The following PDE2A variants were observed in gnomAD, a reference collection of about 807,000 sequenced individuals.
PDE2A encodes the protein cGMP-dependent 3',5'-cyclic phosphodiesterase.
Under a neutral mutation model 133.6 loss-of-function variants are expected in PDE2A, and 53 were observed. The ratio of observed to expected loss-of-function variants is 0.40; its 90% CI spans 0.32 to 0.50. The LOEUF is 0.50. Among genes scored for constraint, PDE2A ranks in the 20% least tolerant of loss-of-function variants. The pLI is 0.73. For missense variants in PDE2A, 796 were observed against 1,232.4 expected (o/e 0.65, Z 5.30); for synonymous variants, 491 against 490.2 (o/e 1.00, Z -0.02).
chr11:72,622,148 G>A (rs1857802666), intron 2 of PDE2A, among the ~76,000 whole-genome samples: 2 of 150,850 alleles, frequency 1.3e-5, no homozygotes, highest in African/African-American at 4.9e-5. Context: ...ACAATGAAAT[G>A]TCACCCCACA....
Position 72,588,977 on chromosome 11 carries a change from C to T in PDE2A, c.940-63G>A. ...CGCAGTATGCTTCCCTCCTCCAGCC[C>T]TCCATCACATTTTGCAACAGGCAGT... On this transcript the variant is annotated intron_variant, in intron 12 of 30. Coordinates refer to ENST00000334456, the MANE Select transcript of PDE2A (RefSeq NM_002599.5). The T allele has an allele frequency of 2.6e-6, 4 of 1,543,936 alleles. No individual in the cohort carries two copies. The South Asian group carries it at 4.8e-5, about 18-fold the overall frequency.
At position 72,596,596 on chromosome 11, in the gene PDE2A, G is replaced by T. The variant is rs377402634; in HGVS notation, c.486C>A (p.Ile162=). 2.5e-5 allele frequency: 38 copies of T among 1,492,060 alleles called. No individual in the cohort carries two copies. Among genetic ancestry groups the T allele is most frequent in the Non-Finnish European group, 2.4e-5 (27 of 1,111,974 alleles). The allele number at this position is 1,492,060 out of a possible 1,614,324, so 92.4% of individuals were successfully genotyped here. Residue 162 remains isoleucine (I), a synonymous_variant, in exon 6 of 31, where the codon ATC becomes ATA. Transcript: ENST00000334456. ...DKEAGAVAAV[I]LVHCGQLSDN... is the part of the protein sequence containing the mutation. Reference sequence around the variant, plus strand: ...CACCGCCTAGGCAGGCTCTTACCAAGATGACAGCTGCCACGGCCCCAGCCT... The same window carrying T: ...CACCGCCTAGGCAGGCTCTTACCAATATGACAGCTGCCACGGCCCCAGCCT...
intron 11 of PDE2A, 36 bp from the exon 12 acceptor site, chr11:72,589,276 A>T (rs1278158377): frequency 7.3e-6 from 11 of 1,509,886 alleles, no homozygotes; most frequent in Non-Finnish European, 9.2e-6. Context: ...AGGGCCCAGT[A>T]CTCCCCAGGT....
At chr11:72,612,274 TCCACAC>T (rs869139904) in intron 2 of PDE2A, among the ~76,000 whole-genome samples, 9,919 of 112,802 alleles carry the variant, frequency 0.088, 340 homozygotes, top group South Asian at 0.11. Flanking sequence ...GCACATCACA[TCCACAC>T]ACACACACAC....
chr11:72,602,146 A>G (rs1230911337), intron 4 of PDE2A, among the ~76,000 whole-genome samples: 1 of 152,208 alleles, frequency 6.6e-6, no homozygotes, highest in Non-Finnish European at 1.5e-5. Context: ...AAAGTGGAGC[A>G]GGGACGGTCT....
At chr11:72,579,687 G>C in intron 25 of PDE2A, 79 bp from the exon 26 acceptor site, 1 of 967,790 alleles carries the variant, frequency 1.0e-6, no homozygotes, top group Non-Finnish European at 1.6e-6. Flanking sequence ...GGAAGCAGGG[G>C]CCTCGTCCAG....
At chr11:72,624,538 C>T (rs1467352635) in intron 2 of PDE2A, among the ~76,000 whole-genome samples, 1 of 152,220 alleles carries the variant, frequency 6.6e-6, no homozygotes, top group East Asian at 1.9e-4. Context: ...GCTTGGGACA[C>T]ACTCAATGTC....
Position 72,581,490 on chromosome 11 carries a change from G to A in PDE2A, c.1923-11C>T, listed in dbSNP as rs1233730622. 3 of 1,577,944 alleles carry A rather than the reference G, an allele frequency of 1.9e-6. No homozygotes were observed. The African/African-American group carries it at 4.0e-5, about 21-fold the overall frequency. ...ACCATCAAACAGAACCTGGGGGAGG[G>A]AAGAGGGCAGAAGAGGGGCCTCAGC... is the stretch of plus-strand genomic sequence containing the variant. On this transcript the variant is annotated splice_polypyrimidine_tract_variant and intron_variant, in intron 22 of 30. Transcript: ENST00000334456.
Position 72,596,457 on chromosome 11 carries a change from ATCTCTCTCTCTCTCTC to A in PDE2A, c.489+120_489+135del, listed in dbSNP as rs113104892. 1,389 of 163,778 alleles carry A rather than the reference ATCTCTCTCTCTCTCTC, an allele frequency of 8.5e-3. 1 individual carries two copies. Among genetic ancestry groups the A allele is most frequent in the Non-Finnish European group, 9.9e-3 (896 of 90,256 alleles). The allele number at this position is 163,778 out of a possible 1,614,324, so 10.1% of individuals were successfully genotyped here. On this transcript the variant is annotated intron_variant, in intron 6 of 30. Coordinates refer to ENST00000334456, the MANE Select transcript of PDE2A (RefSeq NM_002599.5). ...CACTCCATCCTCGCTTATGGCTCCC[ATCTCTCTCTCTCTCTC>A]TCTCTCTCTCTCACACACACACACA...
chr11:72,642,300 G>A lies in PDE2A; in HGVS notation c.98C>T (p.Pro33Leu). Residue 33 changes from proline (P) to leucine (L), a missense_variant, in exon 2 of 31, where the codon CCG (proline) becomes CTG (leucine). Around this residue, in one of 7 missense-constraint regions of PDE2A, gnomAD observed 417 missense variants for 475.3 expected, o/e 0.88. Transcript: ENST00000334456. ...CTGCGGCGGCGGCGGCGGCTCGTCCGGCTTGAGGAAGACCTGCTGGCCCCG... is the reference window on the plus strand; with the variant it reads ...CTGCGGCGGCGGCGGCGGCTCGTCCAGCTTGAGGAAGACCTGCTGGCCCCG... ...EPRGQQVFLK[P>L]DEPPPPPQPC... 1 of 1,530,942 alleles carries A rather than the reference G, an allele frequency of 6.5e-7. No homozygotes were observed. The highest frequency in any genetic ancestry group is 2.6e-5 in the East Asian group (1 of 37,842). The allele number at this position is 1,530,942 out of a possible 1,614,324, so 94.8% of individuals were successfully genotyped here. A position where few individuals can be genotyped will look rare whatever the true frequency, so the allele number is the denominator to read the frequency against.
intron 1 of PDE2A, among the ~76,000 whole-genome samples, chr11:72,665,266 T>C (rs1009880876): frequency 2.0e-5 from 3 of 152,036 alleles, no homozygotes; most frequent in Non-Finnish European, 4.4e-5. Context: ...CCCACAACCA[T>C]GGGCCTCCCA....
At chr11:72,623,848 G>C (rs982460657) in intron 2 of PDE2A, among the ~76,000 whole-genome samples, 14 of 151,948 alleles carry the variant, frequency 9.2e-5, no homozygotes, top group Middle Eastern at 3.4e-3. Context: ...ATTAACACAG[G>C]CACCACCATC....
At chr11:72,631,001 G>T in intron 2 of PDE2A, 1 of 1,218,200 alleles carries the variant, frequency 8.2e-7, no homozygotes, top group Non-Finnish European at 1.2e-6. Context: ...CAAGGGGGAG[G>T]GCACCACTCA....
At chr11:72,663,458 G>A (rs993434391) in intron 1 of PDE2A, among the ~76,000 whole-genome samples, 5 of 152,176 alleles carry the variant, frequency 3.3e-5, no homozygotes, top group African/African-American at 1.2e-4. Flanking sequence ...GCCAGGTGCA[G>A]TGGTTCACGC....
chr11:72,585,646 T>C lies in PDE2A; in HGVS notation c.1183-53A>G, dbSNP rs553588081. ...GGGGGTCGGGGTGTAGGGGTCACCCTATCCAACCTCCTGCCTCCAACAGCA... is the reference window on the plus strand; with the variant it reads ...GGGGGTCGGGGTGTAGGGGTCACCCCATCCAACCTCCTGCCTCCAACAGCA... On this transcript the variant is annotated intron_variant, in intron 14 of 30. Coordinates refer to ENST00000334456, the MANE Select transcript of PDE2A (RefSeq NM_002599.5). The C allele has an allele frequency of 3.2e-5, 49 of 1,545,416 alleles. No homozygotes were observed. In the East Asian group the frequency reaches 9.4e-4, roughly 30 times the overall value.
intron 2 of PDE2A, among the ~76,000 whole-genome samples, chr11:72,625,346 G>A (rs778349757): frequency 4.5e-4 from 68 of 152,348 alleles, no homozygotes; most frequent in Admixed American, 1.3e-3. Context: ...CCAGACCTGT[G>A]CTTCCCAGAA....
chr11:72,644,923 A>C (rs1859090456), intron 1 of PDE2A, among the ~76,000 whole-genome samples: 1 of 151,990 alleles, frequency 6.6e-6, no homozygotes, highest in African/African-American at 2.4e-5. Context: ...TGCCCAGCTA[A>C]TTTTTATATT....
intron 19 of PDE2A, 59 bp from the exon 20 acceptor site, chr11:72,583,574 C>T: frequency 8.7e-7 from 1 of 1,151,962 alleles, no homozygotes; most frequent in Non-Finnish European, 1.3e-6. Flanking sequence ...TTTAGCAATG[C>T]CCAGGACTGG....
chr11:72,582,667 G>A (rs1359568326), intron 20 of PDE2A, 101 bp from the exon 21 acceptor site: 2 of 1,228,404 alleles, frequency 1.6e-6, no homozygotes, highest in African/African-American at 1.5e-5. Context: ...CACCCAGAAT[G>A]TACCACAGTT....
Sources: gnomAD v4.1 joint callset for allele counts (sites outside exome capture counted in the v4.1 genomes callset) on GRCh38, gnomAD v4.1.1 for gene constraint, gnomAD v4.1.1 regional missense constraint, MANE v1.5 for transcripts, NCBI Gene and HGNC (gene_info 2026-07-23, HGNC 2026-07-21) for gene names.